Variants in CCSER1 observed in about 807,000 individuals in gnomAD.
The protein encoded by CCSER1 is coiled-coil serine rich protein 1.
CCSER1 carries 41 observed loss-of-function variants against 82.0 expected under a neutral mutation model. The ratio of observed to expected loss-of-function variants is 0.50; its 90% CI spans 0.39 to 0.65. The LOEUF (loss-of-function observed/expected upper bound fraction) is 0.65, where lower values mean the gene tolerates loss of function less well. CCSER1 is among the 30% of genes least tolerant of loss of function. CCSER1 has a pLI of 0.00. For missense variants in CCSER1, 1,119 were observed against 1,064.2 expected (o/e 1.05, Z -0.72); for synonymous variants, 414 against 383.9 (o/e 1.08, Z -0.92).
chr4:91,031,014 A>C (rs1169449185), intron 9 of CCSER1, among the ~76,000 whole-genome samples: 2 of 152,168 alleles, frequency 1.3e-5, no homozygotes, highest in African/African-American at 4.8e-5. Context: ...ACATCTTACA[A>C]ATATTTCCCA....
intron 10 of CCSER1, among the ~76,000 whole-genome samples, chr4:91,406,163 G>A (rs1752686842): frequency 6.6e-6 from 1 of 152,110 alleles, no homozygotes; most frequent in Non-Finnish European, 1.5e-5. Flanking sequence ...TAAGTGTGCT[G>A]TATTCAGGAG....
rs527436213 is a variant in CCSER1, at chr4:91,158,259, G to A, written c.2217+72265G>A. Among the ~76,000 whole-genome samples the A allele has an allele frequency of 2.6e-5, 4 of 151,976 alleles. No individual in the cohort carries two copies. In the South Asian group the frequency reaches 8.3e-4, roughly 32 times the overall value. On this transcript the variant is annotated intron_variant, in intron 10 of 10. Transcript: ENST00000509176. Reference sequence around the variant, plus strand: ...AAATATACCAATAGCACTATTTTATGCTTTCTTTTTGCCTAATCATATAAA... The same window carrying A: ...AAATATACCAATAGCACTATTTTATACTTTCTTTTTGCCTAATCATATAAA...
chr4:90,329,406 G>A lies in CCSER1; in HGVS notation c.1509+16359G>A, dbSNP rs753157167. Among the ~76,000 whole-genome samples the A allele has an allele frequency of 4.7e-4, 72 of 152,190 alleles. 1 individual carries two copies. The Middle Eastern group carries it at 0.014, about 29-fold the overall frequency. ...ATATGACAGTTGTTTTATCAATAAC[G>A]TGTCAAAACTAGAAACATTGAAAAA... On this transcript the variant is annotated intron_variant, in intron 3 of 10. Transcript: ENST00000509176.
intron 5 of CCSER1, among the ~76,000 whole-genome samples, chr4:90,563,123 A>AT (rs141798353): frequency 0.064 from 9,670 of 151,100 alleles, 996 homozygotes; most frequent in African/African-American, 0.22. Context: ...ATTTTTATTT[A>AT]TTTTTTTGAG....
At chr4:90,201,421 AC>A (rs1326553785) in intron 1 of CCSER1, among the ~76,000 whole-genome samples, 1 of 151,846 alleles carries the variant, frequency 6.6e-6, no homozygotes, top group East Asian at 1.9e-4. Context: ...GTAGGCCAAG[AC>A]CATTCTGTAA....
At position 91,598,892 on chromosome 4, in the gene CCSER1, A is replaced by G. The variant is rs377349774; in HGVS notation, c.2538A>G (p.Pro846=). The change falls in exon 11 of 11, where the codon CCA becomes CCG. Residue 846 remains proline, a synonymous_variant. Coordinates refer to ENST00000509176, the MANE Select transcript of CCSER1 (RefSeq NM_001145065.2). ...GGCTCTCCACGTTCTTAGAGAAACC[A>G]AAGGACCAAGTTGCTACGGCCCGAC... The part of the protein sequence containing the change: ...TEGLSTFLEK[P]KDQVATARQH... 3.2e-3 allele frequency: 4,977 copies of G among 1,551,660 alleles called. 22 individuals are homozygous for G. The highest frequency in any genetic ancestry group is 0.013 in the Middle Eastern group (77 of 5,990).
Position 91,085,995 on chromosome 4 carries a change from G to GT in CCSER1, c.2217+2dup. ...AGAGACAGTACAAGGAGGGAGAGAG[G>GT]TAAGAATGTTTAAAGAAGAGGGGTG... On this transcript the variant is annotated splice_donor_variant, in intron 10 of 10. Transcript: ENST00000509176. LOFTEE classifies it high-confidence loss of function. The GT allele has an allele frequency of 6.6e-7, 1 of 1,508,584 alleles. No homozygotes were observed. Among genetic ancestry groups the GT allele is most frequent in the Non-Finnish European group, 9.0e-7 (1 of 1,108,444 alleles). The allele number at this position is 1,508,584 out of a possible 1,614,324, so 93.4% of individuals were successfully genotyped here.
chr4:90,430,194 A>G (rs554406129), intron 4 of CCSER1, among the ~76,000 whole-genome samples: 2 of 152,048 alleles, frequency 1.3e-5, no homozygotes, highest in African/African-American at 2.4e-5. Context: ...ATTTTATCCA[A>G]TAACTGAATT....
chr4:90,727,358 G>GT, intron 7 of CCSER1: 1 of 452,726 alleles, frequency 2.2e-6, no homozygotes, highest in South Asian at 1.6e-5. Flanking sequence ...GATCATTAAA[G>GT]TGAAACATTG....
intron 10 of CCSER1, among the ~76,000 whole-genome samples, chr4:91,378,340 C>G (rs1262014638): frequency 6.6e-6 from 1 of 152,118 alleles, no homozygotes; most frequent in Non-Finnish European, 1.5e-5. Flanking sequence ...TTACCTTGGG[C>G]AGTGTGGCCA....
At chr4:90,545,401 A>G (rs1027830431) in intron 5 of CCSER1, among the ~76,000 whole-genome samples, 2 of 152,140 alleles carry the variant, frequency 1.3e-5, no homozygotes, top group Non-Finnish European at 2.9e-5. Flanking sequence ...TTCAATGACT[A>G]TAAGGTTAAC....
At chr4:90,940,490 A>G (rs1460528862) in intron 9 of CCSER1, among the ~76,000 whole-genome samples, 4 of 151,130 alleles carry the variant, frequency 2.6e-5, no homozygotes, top group Non-Finnish European at 5.9e-5. Context: ...AAAGTGTTTT[A>G]TAAATATTTA....
chr4:90,457,180 T>TC (rs2153581409), intron 4 of CCSER1, among the ~76,000 whole-genome samples: 2 of 152,284 alleles, frequency 1.3e-5, no homozygotes, highest in South Asian at 4.1e-4. Context: ...GCAAGTGGCT[T>TC]CCACTGCAGG....
intron 10 of CCSER1, among the ~76,000 whole-genome samples, chr4:91,366,610 T>C (rs1006078970): frequency 1.3e-5 from 2 of 152,238 alleles, no homozygotes; most frequent in African/African-American, 4.8e-5. Context: ...TGTCTCCTGA[T>C]TCTTGACCTT....
chr4:90,474,966 T>C (rs376602244), intron 5 of CCSER1, among the ~76,000 whole-genome samples: 1 of 152,262 alleles, frequency 6.6e-6, no homozygotes, highest in East Asian at 1.9e-4. Flanking sequence ...TATCTTGAAT[T>C]AGTAATAGTT....
At chr4:90,753,898 C>T (rs1457767165) in intron 7 of CCSER1, among the ~76,000 whole-genome samples, 2 of 152,250 alleles carry the variant, frequency 1.3e-5, no homozygotes, top group Middle Eastern at 3.4e-3. Flanking sequence ...ATAGTAAGTT[C>T]TCTCCTTCAT....
At chr4:91,542,908 G>A (rs1268618944) in intron 10 of CCSER1, among the ~76,000 whole-genome samples, 4 of 152,084 alleles carry the variant, frequency 2.6e-5, no homozygotes, top group East Asian at 1.9e-4. Flanking sequence ...TGGTGTTAAA[G>A]TCTCCCATTA....
intron 10 of CCSER1, among the ~76,000 whole-genome samples, chr4:91,442,111 G>GA (rs1335326410): frequency 1.3e-5 from 2 of 151,642 alleles, no homozygotes; most frequent in African/African-American, 2.4e-5. Context: ...CACAGAATTG[G>GA]AAAAAACTAC....
chr4:90,567,613 T>TTTG (rs932324727), intron 5 of CCSER1, among the ~76,000 whole-genome samples: 9 of 145,430 alleles, frequency 6.2e-5, no homozygotes, highest in Non-Finnish European at 8.9e-5. Context: ...TTAATGATTT[T>TTTG]TTTTTTTTTT....
Sources: allele counts gnomAD v4.1 joint callset (sites outside exome capture counted in the v4.1 genomes callset), GRCh38; gene constraint gnomAD v4.1.1; transcripts MANE v1.5; gene names NCBI Gene and HGNC (gene_info 2026-07-23, HGNC 2026-07-21).